The following ARMH4 variants were observed in gnomAD, a reference collection of about 807,000 sequenced individuals.
The protein encoded by ARMH4 is armadillo-like helical domain-containing protein 4.
In ARMH4, 49 loss-of-function variants were observed where a neutral mutation model predicts 61.9. The observed-to-expected ratio is 0.79, with a 90% CI of 0.63 to 1.00. The LOEUF is 1.00. Ranked by LOEUF, ARMH4 falls within the 50% of genes least tolerant of loss-of-function variation. The pLI, the probability that ARMH4 is intolerant of heterozygous loss-of-function variation, is 0.00. For synonymous variants in ARMH4, 368 were observed against 341.5 expected (o/e 1.08, Z -0.85); for missense variants, 934 against 930.0 (o/e 1.00, Z -0.06).
intron 5 of ARMH4, among the ~76,000 whole-genome samples, chr14:58,056,548 G>A (rs1566560708): frequency 2.0e-5 from 3 of 152,162 alleles, no homozygotes; most frequent in Admixed American, 1.3e-4. Context: ...GATCAGTGAG[G>A]GCTTCATACA....
At chr14:58,082,905 G>A (rs1885271791) in intron 5 of ARMH4, among the ~76,000 whole-genome samples, 1 of 152,154 alleles carries the variant, frequency 6.6e-6, no homozygotes, top group Non-Finnish European at 1.5e-5. Flanking sequence ...CTGGGGTCAT[G>A]TGACTAGTTC....
At chr14:58,013,265 G>C (rs1025282117) in intron 5 of ARMH4, among the ~76,000 whole-genome samples, 2 of 152,276 alleles carry the variant, frequency 1.3e-5, no homozygotes, top group African/African-American at 4.8e-5. Context: ...AAAAGTGGCC[G>C]TAGACAATAC....
chr14:58,043,193 C>T (rs549415103), intron 5 of ARMH4, among the ~76,000 whole-genome samples: 15 of 152,178 alleles, frequency 9.9e-5, no homozygotes, highest in African/African-American at 3.6e-4. Flanking sequence ...AACATCGATG[C>T]AAAAATCCTC....
intron 4 of ARMH4, among the ~76,000 whole-genome samples, chr14:58,122,532 C>T (rs561965678): frequency 1.3e-5 from 2 of 152,120 alleles, no homozygotes; most frequent in South Asian, 4.2e-4. Flanking sequence ...ACCTTAGGCC[C>T]GGAGCAAAAC....
Position 58,100,153 on chromosome 14 carries a change from G to A in ARMH4, c.1832-3172C>T, listed in dbSNP as rs187616233. ...AGGTGGGCAGATTTGGTGGGTAGGG[G>A]ATCTTTATATTTCTTTTATTCTCGG... On this transcript the variant is annotated intron_variant, in intron 4 of 7. Coordinates refer to ENST00000267485, the MANE Select transcript of ARMH4 (RefSeq NM_001001872.4). 2.9e-3 allele frequency among the ~76,000 whole-genome samples: 447 copies of A among 152,254 alleles called. 2 individuals are homozygous for A. The highest frequency in any genetic ancestry group is 9.5e-3 in the African/African-American group (393 of 41,538).
chr14:58,076,586 C>T (rs1885056929), intron 5 of ARMH4, among the ~76,000 whole-genome samples: 1 of 152,114 alleles, frequency 6.6e-6, no homozygotes, highest in Admixed American at 6.5e-5. Flanking sequence ...TACTCGAACA[C>T]ATTGAATTGG....
In ARMH4 at chr14:58,063,979, T is replaced by C. The variant is rs564315332; in HGVS notation, c.2089+32745A>G. Among the ~76,000 whole-genome samples the C allele has an allele frequency of 3.3e-4, 51 of 152,350 alleles. 1 individual carries two copies. The highest frequency in any genetic ancestry group is 1.2e-3 in the African/African-American group (50 of 41,582). On this transcript the variant is annotated intron_variant, in intron 5 of 7. Coordinates refer to ENST00000267485, the MANE Select transcript of ARMH4 (RefSeq NM_001001872.4). ...AGGAAGTAGCTTGGAAACAGCCAGA[T>C]TGCAAAAGGAAGCCAGCCTGGAAGT...
At position 58,046,170 on chromosome 14, in the gene ARMH4, C is replaced by T. The variant is rs1215021357; in HGVS notation, c.2090-34020G>A. On this transcript the variant is annotated intron_variant, in intron 5 of 7. Coordinates refer to ENST00000267485, the MANE Select transcript of ARMH4 (RefSeq NM_001001872.4). ...CTCATTATGCACATTCCTGTCCAGC[C>T]TTGTTGCTAATTTGTAAATCCCACG... 3.3e-5 allele frequency among the ~76,000 whole-genome samples: 5 copies of T among 152,280 alleles called. No individual in the cohort carries two copies. The South Asian group carries it at 6.2e-4, about 19-fold the overall frequency.
At chr14:58,032,963 C>T (rs1480113192) in intron 5 of ARMH4, among the ~76,000 whole-genome samples, 49 of 147,540 alleles carry the variant, frequency 3.3e-4, no homozygotes, top group South Asian at 4.6e-4. Context: ...AAGGCGGCAA[C>T]GAGGCTGGGG....
intron 3 of ARMH4, among the ~76,000 whole-genome samples, chr14:58,132,483 G>C (rs952282275): frequency 6.7e-6 from 1 of 150,022 alleles, no homozygotes; most frequent in South Asian, 2.1e-4. Flanking sequence ...CCTAGCAGCA[G>C]AGTTGCCAAA....
chr14:58,144,123 G>T (rs1887656138), intron 1 of ARMH4, among the ~76,000 whole-genome samples: 1 of 152,140 alleles, frequency 6.6e-6, no homozygotes, highest in Non-Finnish European at 1.5e-5. Flanking sequence ...TTGATAAAGA[G>T]GAAATAGCAT....
intron 5 of ARMH4, among the ~76,000 whole-genome samples, chr14:58,076,018 G>A (rs925560738): frequency 7.1e-6 from 1 of 140,236 alleles, no homozygotes; most frequent in African/African-American, 2.6e-5. Flanking sequence ...GAAGGAAGAA[G>A]AATAAGAAAG....
At chr14:58,031,045 A>G (rs1883211809) in intron 5 of ARMH4, among the ~76,000 whole-genome samples, 2 of 152,232 alleles carry the variant, frequency 1.3e-5, no homozygotes, top group Non-Finnish European at 2.9e-5. Flanking sequence ...TAGAAGAGGA[A>G]TTCAATAATG....
chr14:58,005,250 G>T, intron 6 of ARMH4, 68 bp from the exon 7 acceptor site: 1 of 1,597,626 alleles, frequency 6.3e-7, no homozygotes, highest in Non-Finnish European at 8.5e-7. Context: ...TCTCATTTCT[G>T]CTGGATGGCA....
intron 4 of ARMH4, among the ~76,000 whole-genome samples, chr14:58,121,058 A>C (rs1271199696): frequency 6.6e-6 from 1 of 152,220 alleles, no homozygotes; most frequent in East Asian, 1.9e-4. Context: ...AATTTGGTCA[A>C]GATTAAAACA....
At chr14:58,143,761 T>A (rs1438108476) in intron 1 of ARMH4, among the ~76,000 whole-genome samples, 1 of 119,560 alleles carries the variant, frequency 8.4e-6, no homozygotes, top group African/African-American at 3.1e-5. Context: ...ACCGTGCCCA[T>A]CCTCTTTTTT....
intron 5 of ARMH4, among the ~76,000 whole-genome samples, chr14:58,026,547 A>T (rs8018996): frequency 0.3 from 44,780 of 151,720 alleles, 6,775 homozygotes; most frequent in African/African-American, 0.34. Flanking sequence ...TTCATACTTT[A>T]TTTTTAACAG....
At chr14:58,005,006 T>C (rs1418813677) in intron 7 of ARMH4, 42 bp downstream of exon 7, 3 of 1,612,348 alleles carry the variant, frequency 1.9e-6, no homozygotes, top group Non-Finnish European at 2.5e-6. Context: ...AAGCAAAGAA[T>C]GTTCTGAAAC....
chr14:58,046,148 A>G (rs1164585137), intron 5 of ARMH4, among the ~76,000 whole-genome samples: 1 of 152,154 alleles, frequency 6.6e-6, no homozygotes, highest in Admixed American at 6.5e-5. Context: ...AGGGTGCCTC[A>G]TTATGCACAT....
Sources: gnomAD v4.1 joint callset for allele counts (sites outside exome capture counted in the v4.1 genomes callset) on GRCh38, gnomAD v4.1.1 for gene constraint, MANE v1.5 for transcripts, NCBI Gene and HGNC (gene_info 2026-07-23, HGNC 2026-07-21) for gene names.